Variants in GRID2 observed in about 807,000 individuals in gnomAD.
The protein encoded by GRID2 is glutamate ionotropic receptor delta type subunit 2.
In GRID2, 33 loss-of-function variants were observed where a neutral mutation model predicts 114.8. The ratio of observed to expected loss-of-function variants is 0.29; its 90% confidence interval spans 0.22 to 0.38. The LOEUF is 0.38. Ranked by LOEUF, GRID2 falls within the 10% of genes least tolerant of loss-of-function variation. GRID2 has a pLI of 1.00. For synonymous variants in GRID2, 505 were observed against 449.9 expected, an observed-to-expected ratio of 1.12 and a Z score of -1.55; for missense variants, 1,184 against 1,257.7, an observed-to-expected ratio of 0.94 and a Z score of 0.89.
intron 14 of GRID2, among the ~76,000 whole-genome samples, chr4:93,754,885 A>T (rs116460655): frequency 1.3e-3 from 192 of 152,268 alleles, no homozygotes; most frequent in African/African-American, 4.4e-3. Context: ...GTATTACCAG[A>T]CCTATTTCTG....
chr4:92,546,628 GA>G (rs1386071249), intron 1 of GRID2, among the ~76,000 whole-genome samples: 1 of 152,154 alleles, frequency 6.6e-6, no homozygotes, highest in Non-Finnish European at 1.5e-5. Context: ...CGTAATATAG[GA>G]ATTCAAAACA....
chr4:93,502,991 C>T (rs1728275499), intron 12 of GRID2, among the ~76,000 whole-genome samples: 2 of 152,026 alleles, frequency 1.3e-5, no homozygotes, highest in South Asian at 4.2e-4. Flanking sequence ...ACAGTTCGGG[C>T]ATTTATAATC....
At chr4:93,599,077 G>A (rs779708265) in intron 13 of GRID2, among the ~76,000 whole-genome samples, 1 of 151,986 alleles carries the variant, frequency 6.6e-6, no homozygotes, top group East Asian at 1.9e-4. Flanking sequence ...CTTCCAACTC[G>A]ATTCTAGGAT....
At chr4:92,832,643 C>T (rs1742196189) in intron 2 of GRID2, among the ~76,000 whole-genome samples, 1 of 152,110 alleles carries the variant, frequency 6.6e-6, no homozygotes, top group Non-Finnish European at 1.5e-5. Flanking sequence ...ATCCACCCAC[C>T]TTGACCTCCC....
At position 93,592,099 on chromosome 4, in the gene GRID2, CT is replaced by C. The variant is rs752928557; in HGVS notation, c.2194-34166del. On this transcript the variant is annotated intron_variant, in intron 13 of 15. Transcript: ENST00000282020. ...TTAGTTATTTCTTGCCTTCTGCTAC[CT>C]TTTGAATTTGTTTCCTCTTGCTTTT... is the stretch of plus-strand genomic sequence containing the variant. Among the ~76,000 whole-genome samples, 421 of 152,196 alleles carry C rather than the reference CT, an allele frequency of 2.8e-3. 1 individual carries two copies. Among genetic ancestry groups the C allele is most frequent in the Non-Finnish European group, 5.0e-3 (339 of 68,010 alleles).
chr4:92,381,439 C>T (rs1247268532), intron 1 of GRID2, among the ~76,000 whole-genome samples: 2 of 151,934 alleles, frequency 1.3e-5, no homozygotes, highest in Non-Finnish European at 2.9e-5. Context: ...TCTTCCTGAT[C>T]CCTTGAAGAG....
chr4:93,288,450 T>C (rs1402650607), intron 8 of GRID2, among the ~76,000 whole-genome samples: 1 of 152,108 alleles, frequency 6.6e-6, no homozygotes, highest in African/African-American at 2.4e-5. Context: ...CATGATGCTG[T>C]TGGTGATGGA....
chr4:93,164,646 T>G, intron 4 of GRID2: 1 of 329,318 alleles, frequency 3.0e-6, no homozygotes. Context: ...GGGAAAAAAA[T>G]GAAAATACCG....
intron 1 of GRID2, among the ~76,000 whole-genome samples, chr4:93,788,390 GATA>G (rs2110356543): frequency 6.6e-6 from 1 of 152,022 alleles, no homozygotes; most frequent in Admixed American, 6.5e-5. Context: ...AGGATAAGCA[GATA>G]ATAAGAGTTT....
chr4:93,122,890 G>GTTTTTTTTGTTTTTTTTTTT (rs1733915033), intron 4 of GRID2, among the ~76,000 whole-genome samples: 1 of 69,804 alleles, frequency 1.4e-5, no homozygotes, highest in Non-Finnish European at 2.5e-5. Flanking sequence ...ACAGATGTGG[G>GTTTTTTTTGTTTTTTTTTTT]TTTTTTTTTT....
At chr4:92,627,271 G>T (rs1239657683) in intron 2 of GRID2, among the ~76,000 whole-genome samples, 1 of 151,960 alleles carries the variant, frequency 6.6e-6, no homozygotes, top group Non-Finnish European at 1.5e-5. Context: ...GAAGCTAAGG[G>T]TCCAATTTCA....
chr4:92,339,426 G>A (rs745912833), intron 1 of GRID2, among the ~76,000 whole-genome samples: 16 of 152,074 alleles, frequency 1.1e-4, no homozygotes, highest in African/African-American at 2.2e-4. Flanking sequence ...AAGAAAATTC[G>A]TCATTGTAGT....
intron 2 of GRID2, among the ~76,000 whole-genome samples, chr4:92,895,811 T>C (rs1747125361): frequency 6.6e-6 from 1 of 152,132 alleles, no homozygotes; most frequent in Non-Finnish European, 1.5e-5. Flanking sequence ...TTGAATAACT[T>C]GCCCAAGGTA....
At chr4:92,611,695 T>C (rs943324565) in intron 2 of GRID2, among the ~76,000 whole-genome samples, 7 of 151,658 alleles carry the variant, frequency 4.6e-5, no homozygotes, top group African/African-American at 1.7e-4. Context: ...TTTGCCACTT[T>C]TGTAAAATAC....
At chr4:93,515,918 A>G (rs1280122991) in intron 13 of GRID2, among the ~76,000 whole-genome samples, 1 of 152,134 alleles carries the variant, frequency 6.6e-6, no homozygotes, top group Non-Finnish European at 1.5e-5. Flanking sequence ...CTTTATTTAC[A>G]TCTTACTTTT....
Position 92,414,945 on chromosome 4 carries a change from T to C in GRID2, c.88+110201T>C, listed in dbSNP as rs1731520351. Reference sequence around the variant, plus strand: ...TCGCTTCATTATTCCATGAAAGTTTTCATTCATGTTGGTATCTAGATATAC... The same window carrying C: ...TCGCTTCATTATTCCATGAAAGTTTCCATTCATGTTGGTATCTAGATATAC... On this transcript the variant is annotated intron_variant, in intron 1 of 15. Coordinates refer to ENST00000282020, the MANE Select transcript of GRID2 (RefSeq NM_001510.4). 1.3e-5 allele frequency among the ~76,000 whole-genome samples: 2 copies of C among 152,128 alleles called. 1 individual carries two copies. Among genetic ancestry groups the C allele is most frequent in the Non-Finnish European group, 2.9e-5 (2 of 68,012 alleles).
chr4:92,525,992 C>A (rs1372927848), intron 1 of GRID2, among the ~76,000 whole-genome samples: 2 of 151,962 alleles, frequency 1.3e-5, no homozygotes, highest in African/African-American at 4.8e-5. Context: ...TTTATACTAC[C>A]ACGGATGAAA....
At chr4:93,627,586 A>T (rs1033309375) in intron 14 of GRID2, among the ~76,000 whole-genome samples, 1 of 152,182 alleles carries the variant, frequency 6.6e-6, no homozygotes, top group Non-Finnish European at 1.5e-5. Flanking sequence ...CAAGGCTGTA[A>T]TTTGGTTGTG....
At chr4:93,338,700 T>TGCAGTATGC (rs1759336335) in intron 8 of GRID2, among the ~76,000 whole-genome samples, 6 of 152,264 alleles carry the variant, frequency 3.9e-5, no homozygotes, top group African/African-American at 1.2e-4. Flanking sequence ...CTCCATACCT[T>TGCAGTATGC]AAACCAGTAT....
Sources: gnomAD v4.1 joint callset for allele counts (sites outside exome capture counted in the v4.1 genomes callset) on GRCh38, gnomAD v4.1.1 for gene constraint, MANE v1.5 for transcripts, NCBI Gene and HGNC (gene_info 2026-07-23, HGNC 2026-07-21) for gene names.